Variants in SUSD1 observed in about 807,000 individuals in gnomAD.
SUSD1 encodes sushi domain-containing protein 1.
In SUSD1, 65 loss-of-function variants were observed where a neutral mutation model predicts 86.9. That is an observed-to-expected ratio of 0.75 (90% CI 0.61 to 0.92). The LOEUF is 0.92. SUSD1 is among the 40% of genes least tolerant of loss of function. SUSD1 has a pLI of 0.00. For missense variants in SUSD1, 850 were observed against 929.7 expected, an observed-to-expected ratio of 0.91 and a Z score of 1.11; for synonymous variants, 346 against 350.0, an observed-to-expected ratio of 0.99 and a Z score of 0.13.
At chr9:112,160,882 C>A (rs536930927) in intron 1 of SUSD1, among the ~76,000 whole-genome samples, 9 of 152,274 alleles carry the variant, frequency 5.9e-5, no homozygotes, top group African/African-American at 1.7e-4. Flanking sequence ...TTCACTGATG[C>A]CGCACAAAAC....
intron 15 of SUSD1, among the ~76,000 whole-genome samples, chr9:112,045,327 T>C (rs996462052): frequency 1.3e-5 from 2 of 152,228 alleles, no homozygotes; most frequent in African/African-American, 4.8e-5. Context: ...CACTGATTGA[T>C]GAATATGTTG....
intron 5 of SUSD1, among the ~76,000 whole-genome samples, chr9:112,130,315 G>A (rs1831960818): frequency 6.6e-6 from 1 of 151,552 alleles, no homozygotes; most frequent in Non-Finnish European, 1.5e-5. Flanking sequence ...AGAGGTTACA[G>A]TGAGCCAAGA....
In SUSD1 at chr9:112,041,507, GGAAAA is replaced by G; in HGVS notation, c.*-20_*-16del. The G allele has an allele frequency of 1.3e-6, 1 of 781,046 alleles. No individual in the cohort carries two copies. Among genetic ancestry groups the G allele is most frequent in the Non-Finnish European group, 2.4e-6 (1 of 418,126 alleles). 48.4% of individuals were successfully genotyped at this position (781,046 alleles called of 1,614,324 possible). A position where few individuals can be genotyped will look rare whatever the true frequency, so the allele number is the denominator to read the frequency against. On this transcript the variant is annotated splice_polypyrimidine_tract_variant and intron_variant, in intron 16 of 16. Coordinates refer to ENST00000374270, the MANE Select transcript of SUSD1 (RefSeq NM_022486.5). The stretch of plus-strand genomic sequence containing the variant: ...CCATCTGCCATCTAGACATGGAGGA[GGAAAA>G]GAAAAGAGACAAATATGAACACACT...
At chr9:112,054,047 G>A (rs1445233856) in intron 14 of SUSD1, among the ~76,000 whole-genome samples, 4 of 152,184 alleles carry the variant, frequency 2.6e-5, no homozygotes, top group African/African-American at 9.7e-5. Flanking sequence ...TTAGCAATGG[G>A]AGGCATGGCA....
chr9:112,078,393 C>A, intron 12 of SUSD1, 145 bp downstream of exon 12: 2 of 741,472 alleles, frequency 2.7e-6, no homozygotes. Flanking sequence ...CGCCTTAAGG[C>A]ACCTCTCCAA....
intron 9 of SUSD1, among the ~76,000 whole-genome samples, chr9:112,100,141 A>G (rs1209348282): frequency 6.6e-6 from 1 of 152,218 alleles, no homozygotes; most frequent in Non-Finnish European, 1.5e-5. Context: ...TTTCCAGTCA[A>G]TTTAAAAGTG....
chr9:112,053,396 T>A (rs1182306035), intron 14 of SUSD1, among the ~76,000 whole-genome samples: 6 of 149,494 alleles, frequency 4.0e-5, no homozygotes, highest in Non-Finnish European at 7.4e-5. Flanking sequence ...GCGCCTGTAC[T>A]CCCAGCTACT....
intron 10 of SUSD1, among the ~76,000 whole-genome samples, chr9:112,082,198 A>G (rs529592660): frequency 3.3e-4 from 50 of 152,388 alleles, no homozygotes; most frequent in Admixed American, 2.9e-3. Flanking sequence ...CAACTAATCA[A>G]ACATGAAACT....
chr9:112,065,518 CT>C (rs1828940077), intron 12 of SUSD1, among the ~76,000 whole-genome samples: 1 of 152,180 alleles, frequency 6.6e-6, no homozygotes, highest in Non-Finnish European at 1.5e-5. Context: ...AAGTGAGACT[CT>C]GTCTCAAAAA....
At chr9:112,160,719 C>T (rs1302480116) in intron 1 of SUSD1, among the ~76,000 whole-genome samples, 1 of 152,050 alleles carries the variant, frequency 6.6e-6, no homozygotes, top group Non-Finnish European at 1.5e-5. Flanking sequence ...ATGGTAATTG[C>T]CTTAGCAGAG....
chr9:112,171,742 C>G (rs1834054796), intron 1 of SUSD1, among the ~76,000 whole-genome samples: 1 of 152,114 alleles, frequency 6.6e-6, no homozygotes, highest in African/African-American at 2.4e-5. Flanking sequence ...CATTAACTAT[C>G]TCATTTATTT....
chr9:112,078,110 C>T (rs1829597978), intron 12 of SUSD1, among the ~76,000 whole-genome samples: 2 of 151,996 alleles, frequency 1.3e-5, no homozygotes, highest in Non-Finnish European at 2.9e-5. Flanking sequence ...TTTGGGAGGC[C>T]GAGGCAGGTG....
At chr9:112,089,730 C>T (rs1364288608) in intron 10 of SUSD1, among the ~76,000 whole-genome samples, 1 of 149,362 alleles carries the variant, frequency 6.7e-6, no homozygotes, top group African/African-American at 2.5e-5. Context: ...GAGAATCGCT[C>T]GAACCCGGGA....
chr9:112,106,071 G>C (rs552331412), intron 8 of SUSD1, among the ~76,000 whole-genome samples: 1 of 152,200 alleles, frequency 6.6e-6, no homozygotes, highest in South Asian at 2.1e-4. Context: ...CTCACTGCAA[G>C]CTCTGCCTCC....
At chr9:112,118,328 T>C (rs1238399581) in intron 6 of SUSD1, among the ~76,000 whole-genome samples, 1 of 152,202 alleles carries the variant, frequency 6.6e-6, no homozygotes, top group Non-Finnish European at 1.5e-5. Context: ...CAGTGCCTAC[T>C]TGAATAAATG....
At chr9:112,097,700 A>T (rs1305303266) in intron 10 of SUSD1, among the ~76,000 whole-genome samples, 1 of 151,996 alleles carries the variant, frequency 6.6e-6, no homozygotes, top group Non-Finnish European at 1.5e-5. Context: ...CACCCGGCCC[A>T]GAGTCTTCTA....
intron 12 of SUSD1, among the ~76,000 whole-genome samples, chr9:112,076,036 G>T (rs1268336404): frequency 6.6e-6 from 1 of 152,138 alleles, no homozygotes; most frequent in Non-Finnish European, 1.5e-5. Flanking sequence ...TTAGAAGTAG[G>T]CAGGGGCCAG....
chr9:112,110,304 G>A lies in SUSD1; in HGVS notation c.1171+1350C>T, dbSNP rs578188346. On this transcript the variant is annotated intron_variant, in intron 8 of 16. Coordinates refer to ENST00000374270, the MANE Select transcript of SUSD1 (RefSeq NM_022486.5). Reference sequence around the variant, plus strand: ...GCAAAGATTGCAGTGAGCTGAGATCGCACCACTGCACTCCAGCCTGGGCGA... The same window carrying A: ...GCAAAGATTGCAGTGAGCTGAGATCACACCACTGCACTCCAGCCTGGGCGA... Among the ~76,000 whole-genome samples, 168 of 152,158 alleles carry A rather than the reference G, an allele frequency of 1.1e-3. 1 individual carries two copies. The highest frequency in any genetic ancestry group is 3.8e-3 in the African/African-American group (158 of 41,534).
chr9:112,131,598 A>T (rs1832036362), intron 5 of SUSD1, among the ~76,000 whole-genome samples: 1 of 152,180 alleles, frequency 6.6e-6, no homozygotes, highest in Admixed American at 6.5e-5. Flanking sequence ...CTCAAAAATC[A>T]ATCCAACAGA....
Sources: gnomAD v4.1 joint callset for allele counts (sites outside exome capture counted in the v4.1 genomes callset) on GRCh38, gnomAD v4.1.1 for gene constraint, MANE v1.5 for transcripts, NCBI Gene and HGNC (gene_info 2026-07-23, HGNC 2026-07-21) for gene names.